Variants in SLC35F4 observed in about 807,000 individuals in gnomAD.
SLC35F4 encodes the protein chromosome 14 open reading frame 36.
In SLC35F4, 24 loss-of-function variants were observed where a neutral mutation model predicts 44.2. The ratio of observed to expected loss-of-function variants is 0.54; its 90% CI spans 0.39 to 0.76. SLC35F4 has a LOEUF of 0.76. Among genes scored for constraint, SLC35F4 ranks in the 30% least tolerant of loss-of-function variants. The pLI, the probability that SLC35F4 is intolerant of heterozygous loss-of-function variation, is 0.00. For synonymous variants in SLC35F4, 238 were observed against 223.6 expected (o/e 1.06, Z -0.57); for missense variants, 562 against 586.1 (o/e 0.96, Z 0.42).
intron 1 of SLC35F4, among the ~76,000 whole-genome samples, chr14:57,654,985 T>A (rs780143913): frequency 9.3e-4 from 141 of 152,192 alleles, no homozygotes; most frequent in Non-Finnish European, 1.7e-3. Flanking sequence ...TCATAGCTTT[T>A]GATTCTGTAC....
At chr14:57,912,145 G>C (rs1268925491) in intron 1 of SLC35F4, among the ~76,000 whole-genome samples, 1 of 151,746 alleles carries the variant, frequency 6.6e-6, no homozygotes, top group Non-Finnish European at 1.5e-5. Flanking sequence ...TTAGTAATCT[G>C]CACATCTTTT....
intron 1 of SLC35F4, among the ~76,000 whole-genome samples, chr14:57,930,217 T>C (rs1352788201): frequency 6.6e-6 from 1 of 152,234 alleles, no homozygotes; most frequent in Non-Finnish European, 1.5e-5. Context: ...TGCCTTCTTG[T>C]TCACAAGAGA....
At chr14:57,758,901 G>T (rs7154452) in intron 1 of SLC35F4, among the ~76,000 whole-genome samples, 112,134 of 152,012 alleles carry the variant, frequency 0.74, 41,583 homozygotes, top group East Asian at 0.82. Context: ...TTCCCCCTCC[G>T]CCCAACCCTT....
intron 1 of SLC35F4, among the ~76,000 whole-genome samples, chr14:57,702,022 A>G (rs1276011867): frequency 6.6e-6 from 1 of 152,222 alleles, no homozygotes; most frequent in Non-Finnish European, 1.5e-5. Flanking sequence ...ACAAAGCTGT[A>G]TCCATAAGTT....
chr14:57,964,631 G>A (rs1417068195), intron 1 of SLC35F4, among the ~76,000 whole-genome samples: 2 of 151,940 alleles, frequency 1.3e-5, no homozygotes, highest in Non-Finnish European at 2.9e-5. Flanking sequence ...TGGGAGGAAG[G>A]AGCCTTTTTT....
chr14:57,817,684 T>C (rs889207678), intron 1 of SLC35F4, among the ~76,000 whole-genome samples: 1 of 152,076 alleles, frequency 6.6e-6, no homozygotes, highest in Admixed American at 6.6e-5. Flanking sequence ...GATTTATTGA[T>C]GTGCTATGAT....
chr14:57,777,372 C>A (rs544441582), intron 1 of SLC35F4, among the ~76,000 whole-genome samples: 1 of 152,274 alleles, frequency 6.6e-6, no homozygotes, highest in Admixed American at 6.5e-5. Context: ...GACTTGGAAC[C>A]AACCCAAATG....
chr14:57,855,015 A>G (rs1886948517), intron 1 of SLC35F4, among the ~76,000 whole-genome samples: 1 of 152,230 alleles, frequency 6.6e-6, no homozygotes, highest in African/African-American at 2.4e-5. Flanking sequence ...CCATTTACTT[A>G]CAAGCAAAAA....
intron 1 of SLC35F4, among the ~76,000 whole-genome samples, chr14:57,732,693 C>T (rs1428821536): frequency 6.6e-6 from 1 of 152,176 alleles, no homozygotes; most frequent in Non-Finnish European, 1.5e-5. Context: ...ATGAGGAAAA[C>T]TCAGACAGAG....
In SLC35F4 at chr14:57,808,479, T is replaced by A. The variant is rs572800053; in HGVS notation, c.103+57244A>T. Among the ~76,000 whole-genome samples, 6 of 152,050 alleles carry A rather than the reference T, an allele frequency of 3.9e-5. No individual in the cohort carries two copies. In the East Asian group the frequency reaches 1.2e-3, roughly 29 times the overall value. Reference sequence around the variant, plus strand: ...CACACCTGGAAATTCTATTTTTCTTTGTGCCAAAAATAGCTGTTAATGATT... The same window carrying A: ...CACACCTGGAAATTCTATTTTTCTTAGTGCCAAAAATAGCTGTTAATGATT... On this transcript the variant is annotated intron_variant, in intron 1 of 7. Coordinates refer to ENST00000556826, the MANE Select transcript of SLC35F4 (RefSeq NM_001306087.2).
At chr14:57,958,999 T>C (rs1368210913) in intron 1 of SLC35F4, among the ~76,000 whole-genome samples, 1 of 152,122 alleles carries the variant, frequency 6.6e-6, no homozygotes, top group Admixed American at 6.5e-5. Context: ...GGTGCAGCCA[T>C]GCAGACTGGG....
At chr14:57,616,040 C>G (rs750374267) in intron 1 of SLC35F4, among the ~76,000 whole-genome samples, 6 of 152,196 alleles carry the variant, frequency 3.9e-5, no homozygotes, top group African/African-American at 1.4e-4. Flanking sequence ...CTGCTATTCT[C>G]TTATGTTTTT....
chr14:57,982,079 A>C (rs1396699149), upstream of SLC35F4: 4 of 152,152 alleles, frequency 2.6e-5, no homozygotes, highest in African/African-American at 9.7e-5. Flanking sequence ...TGATGCTTCC[A>C]GTCGGCTCCT....
chr14:57,568,310 A>G (rs138388606), intron 6 of SLC35F4, among the ~76,000 whole-genome samples: 4 of 152,252 alleles, frequency 2.6e-5, no homozygotes, highest in Admixed American at 1.3e-4. Context: ...GGATATGCCA[A>G]GGAGTATATG....
intron 1 of SLC35F4, among the ~76,000 whole-genome samples, chr14:57,956,936 C>T (rs1890248395): frequency 6.6e-6 from 1 of 152,200 alleles, no homozygotes; most frequent in African/African-American, 2.4e-5. Context: ...AATCCCATCA[C>T]TGGGTATATA....
intron 1 of SLC35F4, among the ~76,000 whole-genome samples, chr14:57,748,108 A>C (rs2076801685): frequency 6.6e-6 from 1 of 152,196 alleles, no homozygotes; most frequent in Non-Finnish European, 1.5e-5. Context: ...ATGACCAAGA[A>C]AACATCATAG....
chr14:57,843,968 A>C (rs1211497869), intron 1 of SLC35F4, among the ~76,000 whole-genome samples: 2 of 152,146 alleles, frequency 1.3e-5, no homozygotes, highest in Non-Finnish European at 2.9e-5. Context: ...TGCTACATGA[A>C]CATGTACTCG....
chr14:57,651,838 C>T (rs907127198), intron 1 of SLC35F4, among the ~76,000 whole-genome samples: 2 of 152,202 alleles, frequency 1.3e-5, no homozygotes, highest in Non-Finnish European at 2.9e-5. Flanking sequence ...AGTTTATCCT[C>T]CTCTGTCCAA....
At chr14:57,623,403 C>G (rs191613095) in intron 1 of SLC35F4, among the ~76,000 whole-genome samples, 4 of 152,078 alleles carry the variant, frequency 2.6e-5, no homozygotes, top group Non-Finnish European at 5.9e-5. Flanking sequence ...GACAGATCAA[C>G]GAGACAAAAT....
Sources: gnomAD v4.1 joint callset for allele counts (sites outside exome capture counted in the v4.1 genomes callset) on GRCh38, gnomAD v4.1.1 for gene constraint, MANE v1.5 for transcripts, NCBI Gene and HGNC (gene_info 2026-07-23, HGNC 2026-07-21) for gene names.